Variants in ESR1 observed in about 807,000 individuals in gnomAD.
ESR1 encodes estrogen receptor 1.
Under a neutral mutation model 52.7 loss-of-function variants are expected in ESR1, and 12 were observed. The observed-to-expected ratio is 0.23, with a 90% confidence interval of 0.15 to 0.37. The LOEUF (loss-of-function observed/expected upper bound fraction) is 0.37. Ranked by LOEUF, ESR1 falls within the 10% of genes least tolerant of loss-of-function variation. ESR1 has a pLI of 1.00. For synonymous variants in ESR1, 305 were observed against 316.8 expected, an observed-to-expected ratio of 0.96 and a Z score of 0.39; for missense variants, 584 against 779.7, an observed-to-expected ratio of 0.75 and a Z score of 2.99.
intron 2 of ESR1, among the ~76,000 whole-genome samples, chr6:151,733,269 C>T (rs1350777078): frequency 6.6e-6 from 1 of 152,166 alleles, no homozygotes; most frequent in Non-Finnish European, 1.5e-5. Context: ...GACTGTCTAA[C>T]TCAAGAGCCC....
At chr6:151,854,415 T>C (rs946767053) in intron 2 of ESR1, among the ~76,000 whole-genome samples, 1 of 152,182 alleles carries the variant, frequency 6.6e-6, no homozygotes, top group Non-Finnish European at 1.5e-5. Flanking sequence ...ATTTTCCTCA[T>C]ATTTCCATTT....
At chr6:151,864,415 G>T (rs1002811682) in intron 2 of ESR1, among the ~76,000 whole-genome samples, 3 of 152,034 alleles carry the variant, frequency 2.0e-5, no homozygotes, top group African/African-American at 7.2e-5. Flanking sequence ...TTAGAATGGT[G>T]ATCATTAGAA....
At position 152,038,615 on chromosome 6, in the gene ESR1, C is replaced by G. The variant is rs147818442; in HGVS notation, c.1236-22376C>G. Among the ~76,000 whole-genome samples the G allele has an allele frequency of 1.9e-3, 285 of 152,218 alleles. 2 individuals are homozygous for G. The highest frequency in any genetic ancestry group is 5.9e-3 in the African/African-American group (247 of 41,540). On this transcript the variant is annotated intron_variant, in intron 5 of 7. Coordinates refer to ENST00000206249, the MANE Select transcript of ESR1 (RefSeq NM_000125.4). ...ACATAAAGTTAACAACACTTAAATGCTGATATGAAGTCAATAAATACTTTT... is the reference window on the plus strand; with the variant it reads ...ACATAAAGTTAACAACACTTAAATGGTGATATGAAGTCAATAAATACTTTT...
intron 5 of ESR1, among the ~76,000 whole-genome samples, chr6:152,049,696 A>G (rs893686929): frequency 6.6e-6 from 1 of 151,954 alleles, no homozygotes; most frequent in Non-Finnish European, 1.5e-5. Flanking sequence ...AGGCTGCAAA[A>G]AAGAGGGAGG....
intron 2 of ESR1, among the ~76,000 whole-genome samples, chr6:151,793,530 T>C (rs915619155): frequency 2.0e-5 from 3 of 152,264 alleles, no homozygotes; most frequent in African/African-American, 7.2e-5. Context: ...CTGTACATAA[T>C]TGTATTGCCA....
At chr6:152,083,755 A>C (rs1307478162) in intron 6 of ESR1, among the ~76,000 whole-genome samples, 1 of 152,184 alleles carries the variant, frequency 6.6e-6, no homozygotes, top group African/African-American at 2.4e-5. Context: ...ACTTAAACAA[A>C]TTTACAAGAA....
intron 4 of ESR1, among the ~76,000 whole-genome samples, chr6:152,009,439 G>A (rs1415122495): frequency 6.6e-6 from 1 of 152,088 alleles, no homozygotes; most frequent in East Asian, 1.9e-4. Flanking sequence ...ATACAGTATA[G>A]CAAAATGATC....
chr6:151,913,215 C>T (rs1051668991), intron 3 of ESR1, among the ~76,000 whole-genome samples: 2 of 152,162 alleles, frequency 1.3e-5, no homozygotes, highest in East Asian at 1.9e-4. Context: ...TTATGACCCT[C>T]GGCCTCTACT....
At chr6:152,075,283 G>A (rs1019977016) in intron 6 of ESR1, among the ~76,000 whole-genome samples, 4 of 152,080 alleles carry the variant, frequency 2.6e-5, no homozygotes, top group African/African-American at 9.7e-5. Flanking sequence ...TTTTAAAAGG[G>A]GTTTTTACTC....
upstream of ESR1, chr6:151,807,313 AAGAG>A (rs540662563): frequency 1.1e-5 from 2 of 182,334 alleles, no homozygotes; most frequent in South Asian, 1.2e-4. Flanking sequence ...ATCAAACAGA[AAGAG>A]AGACAAACAG....
chr6:151,868,944 G>A (rs1246836100), intron 2 of ESR1, among the ~76,000 whole-genome samples: 4 of 152,126 alleles, frequency 2.6e-5, no homozygotes, highest in African/African-American at 9.7e-5. Context: ...GTGACAGCTT[G>A]AGAGACATGC....
intron 2 of ESR1, among the ~76,000 whole-genome samples, chr6:151,780,104 G>C (rs1786405027): frequency 6.8e-6 from 1 of 147,658 alleles, no homozygotes; most frequent in Non-Finnish European, 1.5e-5. Context: ...GAGTGGGTGA[G>C]TTCCACAAGT....
At chr6:152,109,740 A>G (rs1459563399) in intron 6 of ESR1, among the ~76,000 whole-genome samples, 3 of 152,242 alleles carry the variant, frequency 2.0e-5, no homozygotes, top group Non-Finnish European at 2.9e-5. Flanking sequence ...TACCACCAAA[A>G]GAGCAGAGCT....
intron 3 of ESR1, among the ~76,000 whole-genome samples, chr6:151,891,128 A>G: frequency 6.6e-6 from 1 of 152,170 alleles, no homozygotes; most frequent in East Asian, 1.9e-4. Context: ...ACTGTTTATA[A>G]CATAACTTTG....
At chr6:151,681,897 T>C (rs1778475322) in intron 1 of ESR1, among the ~76,000 whole-genome samples, 1 of 151,966 alleles carries the variant, frequency 6.6e-6, no homozygotes, top group Non-Finnish European at 1.5e-5. Context: ...GAAGACCTGC[T>C]CACCACGAGG....
intron 2 of ESR1, among the ~76,000 whole-genome samples, chr6:151,744,129 T>G (rs1169962966): frequency 6.6e-6 from 1 of 152,210 alleles, no homozygotes; most frequent in Non-Finnish European, 1.5e-5. Context: ...TAAATATACT[T>G]CATTTTCTTT....
intron 5 of ESR1, among the ~76,000 whole-genome samples, chr6:152,027,296 T>G (rs188271993): frequency 6.6e-6 from 1 of 152,070 alleles, no homozygotes; most frequent in Non-Finnish European, 1.5e-5. Context: ...TATATTTTTC[T>G]ACATTATTAG....
At chr6:152,077,960 G>T (rs3020378) in intron 6 of ESR1, among the ~76,000 whole-genome samples, 6 of 152,134 alleles carry the variant, frequency 3.9e-5, no homozygotes, top group South Asian at 2.1e-4. Context: ...AGACTTTGGG[G>T]GACTGTTGGG....
At chr6:151,676,086 G>A (rs566332974) in intron 1 of ESR1, among the ~76,000 whole-genome samples, 1 of 152,336 alleles carries the variant, frequency 6.6e-6, no homozygotes, top group East Asian at 1.9e-4. Flanking sequence ...AGACTGCAGA[G>A]CAAGCCAGAA....
Sources: allele counts gnomAD v4.1 joint callset (sites outside exome capture counted in the v4.1 genomes callset), GRCh38; gene constraint gnomAD v4.1.1; transcripts MANE v1.5; gene names NCBI Gene and HGNC (gene_info 2026-07-23, HGNC 2026-07-21).